The following HS6ST3 variants were observed in gnomAD, a reference collection of about 807,000 sequenced individuals.
HS6ST3 encodes the protein heparan sulfate 6-O-sulfotransferase 3.
HS6ST3 carries 12 observed loss-of-function variants against 36.7 expected under a neutral mutation model. The observed-to-expected ratio is 0.33, with a 90% CI of 0.21 to 0.53. The LOEUF (loss-of-function observed/expected upper bound fraction) is 0.53, where lower values mean the gene tolerates loss of function less well. Among genes scored for constraint, HS6ST3 ranks in the 20% least tolerant of loss-of-function variants. HS6ST3 has a pLI of 0.95. For synonymous variants in HS6ST3, 240 were observed against 257.5 expected (o/e 0.93, Z 0.65); for missense variants, 584 against 640.9 (o/e 0.91, Z 0.96).
intron 1 of HS6ST3, among the ~76,000 whole-genome samples, chr13:96,174,824 A>G (rs574015266): frequency 1.3e-5 from 2 of 152,300 alleles, no homozygotes; most frequent in East Asian, 1.9e-4. Context: ...AGTTATAGTC[A>G]AAAGATATTT....
rs1233499291 is a variant in HS6ST3 at position 96,091,267 on chromosome 13, C to T, written c.405C>T (p.Thr135=). 2 of 1,611,230 alleles carry T rather than the reference C, an allele frequency of 1.2e-6. No individual in the cohort carries two copies. The highest frequency in any genetic ancestry group is 8.5e-7 in the Non-Finnish European group (1 of 1,178,822). ...PRFNFSLKDL[T]RFVDFNIKGR... ...TCAACTTCAGCCTGAAGGACCTGACCCGCTTCGTGGATTTCAACATCAAAG... is the reference window on the plus strand; with the variant it reads ...TCAACTTCAGCCTGAAGGACCTGACTCGCTTCGTGGATTTCAACATCAAAG... Residue 135 remains threonine, a synonymous_variant, in exon 1 of 2, where the codon ACC becomes ACT. Transcript: ENST00000376705.
chr13:96,356,740 G>A (rs1321065999), intron 1 of HS6ST3, among the ~76,000 whole-genome samples: 2 of 152,274 alleles, frequency 1.3e-5, no homozygotes, highest in Non-Finnish European at 1.5e-5. Context: ...TTGTAAATGA[G>A]CATTGGTTTC....
intron 1 of HS6ST3, among the ~76,000 whole-genome samples, chr13:96,553,502 C>T (rs1276095068): frequency 6.6e-6 from 1 of 152,092 alleles, no homozygotes; most frequent in Non-Finnish European, 1.5e-5. Flanking sequence ...TTGGAGGAAC[C>T]CTTCCTTGAG....
chr13:96,520,298 A>C (rs540262302), intron 1 of HS6ST3, among the ~76,000 whole-genome samples: 1 of 151,856 alleles, frequency 6.6e-6, no homozygotes, highest in Non-Finnish European at 1.5e-5. Context: ...TGATGCCTCC[A>C]GCTTTGTTCT....
At chr13:96,485,211 T>G (rs900596269) in intron 1 of HS6ST3, among the ~76,000 whole-genome samples, 1 of 152,166 alleles carries the variant, frequency 6.6e-6, no homozygotes, top group Non-Finnish European at 1.5e-5. Context: ...AGTCTTCCTA[T>G]CCATGAACAT....
At chr13:96,829,833 A>G (rs1012208479) in intron 1 of HS6ST3, among the ~76,000 whole-genome samples, 2 of 152,206 alleles carry the variant, frequency 1.3e-5, no homozygotes, top group African/African-American at 4.8e-5. Context: ...ATATAATAGA[A>G]CAATTTATAT....
At chr13:96,382,579 A>G (rs937892294) in intron 1 of HS6ST3, among the ~76,000 whole-genome samples, 4 of 152,228 alleles carry the variant, frequency 2.6e-5, no homozygotes, top group African/African-American at 9.6e-5. Flanking sequence ...TCAACATAGA[A>G]AATTAATGAG....
At chr13:96,687,138 A>C (rs1874805591) in intron 1 of HS6ST3, among the ~76,000 whole-genome samples, 1 of 151,428 alleles carries the variant, frequency 6.6e-6, no homozygotes, top group East Asian at 1.9e-4. Flanking sequence ...CATTTTGTGA[A>C]TATTTTTATT....
At chr13:96,165,755 C>T (rs2054157160) in intron 1 of HS6ST3, among the ~76,000 whole-genome samples, 1 of 152,280 alleles carries the variant, frequency 6.6e-6, no homozygotes, top group East Asian at 1.9e-4. Flanking sequence ...CCCTTCTGCT[C>T]ACTTTTCATT....
At chr13:96,590,504 T>G (rs1172641670) in intron 1 of HS6ST3, among the ~76,000 whole-genome samples, 14 of 152,158 alleles carry the variant, frequency 9.2e-5, no homozygotes, top group Non-Finnish European at 1.5e-5. Context: ...AATTGTCTAT[T>G]CAGATCTTTT....
intron 1 of HS6ST3, among the ~76,000 whole-genome samples, chr13:96,342,354 A>G (rs1459821009): frequency 6.6e-6 from 1 of 152,162 alleles, no homozygotes; most frequent in African/African-American, 2.4e-5. Flanking sequence ...ATACATGACT[A>G]TTTTATTCAG....
chr13:96,486,917 A>G (rs58507867), intron 1 of HS6ST3, among the ~76,000 whole-genome samples: 4,911 of 152,246 alleles, frequency 0.032, 258 homozygotes, highest in African/African-American at 0.11. Context: ...CATCAATAGA[A>G]AAAATGTTCA....
At chr13:96,764,386 C>T (rs1877044025) in intron 1 of HS6ST3, among the ~76,000 whole-genome samples, 1 of 152,184 alleles carries the variant, frequency 6.6e-6, no homozygotes, top group Admixed American at 6.5e-5. Context: ...CTTCCCAAAG[C>T]ACCTGAAACC....
intron 1 of HS6ST3, among the ~76,000 whole-genome samples, chr13:96,367,615 T>C (rs1306111575): frequency 6.6e-6 from 1 of 152,168 alleles, no homozygotes; most frequent in East Asian, 1.9e-4. Context: ...ATGTTAACAA[T>C]GATGGAAGTG....
At chr13:96,300,173 C>G (rs1247146574) in intron 1 of HS6ST3, among the ~76,000 whole-genome samples, 1 of 149,600 alleles carries the variant, frequency 6.7e-6, no homozygotes, top group African/African-American at 2.5e-5. Context: ...TCTCCTGCCT[C>G]AGCCTCCTGA....
intron 1 of HS6ST3, among the ~76,000 whole-genome samples, chr13:96,455,017 G>A (rs1337962922): frequency 6.6e-6 from 1 of 151,958 alleles, no homozygotes; most frequent in African/African-American, 2.4e-5. Flanking sequence ...TCTGCTTTCT[G>A]AATCAGGACT....
rs115630822 is a variant in HS6ST3, at chr13:96,623,231, C to G, written c.708-209259C>G. Among the ~76,000 whole-genome samples the G allele has an allele frequency of 5.5e-3, 841 of 152,232 alleles. 6 individuals carry two copies. The highest frequency in any genetic ancestry group is 0.019 in the African/African-American group (792 of 41,542). ...CCAGCCAAGAATCAGGGTAAAGATT[C>G]AGACCATGAGTCTATGTGACAGCAT... On this transcript the variant is annotated intron_variant, in intron 1 of 1. Transcript: ENST00000376705.
intron 1 of HS6ST3, among the ~76,000 whole-genome samples, chr13:96,361,087 A>T (rs2055236464): frequency 6.6e-6 from 1 of 152,204 alleles, no homozygotes; most frequent in Non-Finnish European, 1.5e-5. Context: ...TAAGATTACT[A>T]ATTGGGCTAT....
At chr13:96,324,197 A>G (rs551656072) in intron 1 of HS6ST3, among the ~76,000 whole-genome samples, 1 of 152,336 alleles carries the variant, frequency 6.6e-6, no homozygotes, top group Admixed American at 6.5e-5. Flanking sequence ...TCCTTTAAAC[A>G]TCTCCAAAAA....
Sources: allele counts gnomAD v4.1 joint callset (sites outside exome capture counted in the v4.1 genomes callset), GRCh38; gene constraint gnomAD v4.1.1; transcripts MANE v1.5; gene names NCBI Gene and HGNC (gene_info 2026-07-23, HGNC 2026-07-21).